ADARB1: variants seen among roughly 807,000 people sequenced by gnomAD.
ADARB1 encodes adenosine deaminase RNA specific B1.
Under a neutral mutation model 52.4 loss-of-function variants are expected in ADARB1, and 10 were observed. That is an observed-to-expected ratio of 0.19 (90% CI 0.12 to 0.32). The LOEUF (loss-of-function observed/expected upper bound fraction) is 0.32. Ranked by LOEUF, ADARB1 falls within the 10% of genes least tolerant of loss-of-function variation. The pLI is 1.00. For synonymous variants in ADARB1, 349 were observed against 371.1 expected (o/e 0.94, Z 0.68); for missense variants, 643 against 922.3 (o/e 0.70, Z 3.92).
chr21:45,182,900 C>A, intron 6 of ADARB1, 147 bp downstream of exon 6: 1 of 755,142 alleles, frequency 1.3e-6, no homozygotes, highest in Non-Finnish European at 2.0e-6. Flanking sequence ...AGGCTGCATC[C>A]CATTCTTCCA....
At chr21:45,192,433 C>G (rs1328328940) in intron 8 of ADARB1, among the ~76,000 whole-genome samples, 1 of 152,192 alleles carries the variant, frequency 6.6e-6, no homozygotes, top group East Asian at 1.9e-4. Context: ...GCCCCTGAAT[C>G]TGAGCCTGTC....
intron 1 of ADARB1, among the ~76,000 whole-genome samples, chr21:45,075,053 G>T (rs2085862972): frequency 6.6e-6 from 1 of 151,320 alleles, no homozygotes; most frequent in African/African-American, 2.4e-5. Flanking sequence ...TCCCGAGGGC[G>T]CCGAGTCCGC....
chr21:45,180,453 C>T lies in ADARB1; in HGVS notation c.1078+9C>T. Reference sequence around the variant, plus strand: ...AGTCGTCATGACAACAGGTAACCATCTTGGTGTTGTATGTAACCCTGCCTG... The same window carrying T: ...AGTCGTCATGACAACAGGTAACCATTTTGGTGTTGTATGTAACCCTGCCTG... On this transcript the variant is annotated intron_variant, in intron 5 of 10. Coordinates refer to ENST00000348831, the MANE Select transcript of ADARB1 (RefSeq NM_001112.4). The T allele has an allele frequency of 6.2e-7, 1 of 1,604,942 alleles. No homozygotes were observed. Among genetic ancestry groups the T allele is most frequent in the Non-Finnish European group, 8.5e-7 (1 of 1,172,290 alleles).
At chr21:45,078,781 T>C (rs1483860272) in intron 1 of ADARB1, among the ~76,000 whole-genome samples, 1 of 152,180 alleles carries the variant, frequency 6.6e-6, no homozygotes, top group Non-Finnish European at 1.5e-5. Flanking sequence ...AATGACATGA[T>C]CTGATTTATC....
At chr21:45,197,673 G>A (rs190783384) in intron 8 of ADARB1, among the ~76,000 whole-genome samples, 3 of 152,242 alleles carry the variant, frequency 2.0e-5, no homozygotes, top group Admixed American at 6.5e-5. Flanking sequence ...AATCCACGCA[G>A]CCATCAACCG....
intron 2 of ADARB1, among the ~76,000 whole-genome samples, chr21:45,164,946 G>A (rs1247509652): frequency 1.3e-5 from 2 of 152,122 alleles, no homozygotes; most frequent in Non-Finnish European, 2.9e-5. Flanking sequence ...TGGCTGCAGC[G>A]AGGTGACAGG....
intron 1 of ADARB1, among the ~76,000 whole-genome samples, chr21:45,113,455 A>ATG (rs1214823689): frequency 1.7e-4 from 26 of 148,754 alleles, no homozygotes; most frequent in East Asian, 3.9e-4. Context: ...ATATATATAT[A>ATG]TGTGTGTGTG....
At chr21:45,199,063 C>A (rs1041433310) in intron 8 of ADARB1, among the ~76,000 whole-genome samples, 1 of 152,170 alleles carries the variant, frequency 6.6e-6, no homozygotes, top group Non-Finnish European at 1.5e-5. Context: ...ACCCATGGGG[C>A]AGCACTGGTG....
chr21:45,109,644 C>T (rs1349322868), intron 1 of ADARB1, among the ~76,000 whole-genome samples: 2 of 152,164 alleles, frequency 1.3e-5, no homozygotes, highest in Non-Finnish European at 2.9e-5. Flanking sequence ...ATGTAGAAGG[C>T]CCTCAAATAC....
chr21:45,103,774 G>C (rs890122903), intron 1 of ADARB1, among the ~76,000 whole-genome samples: 1 of 152,056 alleles, frequency 6.6e-6, no homozygotes, highest in East Asian at 1.9e-4. Context: ...TGTCACATCT[G>C]CTCAATTTTT....
intron 1 of ADARB1, among the ~76,000 whole-genome samples, chr21:45,105,665 G>T (rs974391156): frequency 1.3e-5 from 2 of 152,246 alleles, no homozygotes; most frequent in Non-Finnish European, 2.9e-5. Context: ...TTGCTTTTAT[G>T]TTCTTTACTA....
intron 1 of ADARB1, among the ~76,000 whole-genome samples, chr21:45,079,610 C>T (rs1568988434): frequency 6.6e-6 from 1 of 152,176 alleles, no homozygotes; most frequent in Non-Finnish European, 1.5e-5. Flanking sequence ...AGCAAGCAGT[C>T]TAATCTCTGT....
chr21:45,160,549 A>G (rs758925998), intron 2 of ADARB1, among the ~76,000 whole-genome samples: 4 of 152,210 alleles, frequency 2.6e-5, no homozygotes, highest in African/African-American at 9.6e-5. Flanking sequence ...CCAGTTGCTT[A>G]CTTCTGTTTA....
chr21:45,207,623 C>T (rs1460815049), intron 9 of ADARB1, among the ~76,000 whole-genome samples: 1 of 152,220 alleles, frequency 6.6e-6, no homozygotes, highest in Admixed American at 6.5e-5. Context: ...TGACAAGTGA[C>T]CTGGACAGAG....
At chr21:45,203,847 A>T (rs1222701850) in intron 8 of ADARB1, among the ~76,000 whole-genome samples, 1 of 152,206 alleles carries the variant, frequency 6.6e-6, no homozygotes, top group Non-Finnish European at 1.5e-5. Flanking sequence ...CAAGACCCCC[A>T]GTAGACTCCT....
intron 8 of ADARB1, among the ~76,000 whole-genome samples, chr21:45,185,753 A>G (rs898979318): frequency 4.0e-5 from 6 of 151,534 alleles, no homozygotes; most frequent in African/African-American, 9.7e-5. Context: ...GTTTATTTGG[A>G]AAAAAAAAGT....
chr21:45,125,698 AT>A (rs1383639119), intron 1 of ADARB1, among the ~76,000 whole-genome samples: 14 of 152,216 alleles, frequency 9.2e-5, no homozygotes, highest in Non-Finnish European at 1.8e-4. Flanking sequence ...AGGCTGGTTA[AT>A]TTGGGCTTTT....
chr21:45,183,358 T>G lies in ADARB1; in HGVS notation c.1248-4T>G. ...TGTTACTTTTGCAACTTTTTTCCTT[T>G]CAGTAACAAAGATGATCAAAAAAGA... On this transcript the variant is annotated splice_region_variant and splice_polypyrimidine_tract_variant and intron_variant, in intron 6 of 10. Transcript: ENST00000348831. 7 of 1,592,962 alleles carry G rather than the reference T, an allele frequency of 4.4e-6. No homozygotes were observed. The highest frequency in any genetic ancestry group is 5.1e-6 in the Non-Finnish European group (6 of 1,173,924).
At chr21:45,087,807 G>T (rs1183338004) in intron 1 of ADARB1, among the ~76,000 whole-genome samples, 4 of 152,224 alleles carry the variant, frequency 2.6e-5, no homozygotes, top group Non-Finnish European at 5.9e-5. Context: ...ACAGCAAAGG[G>T]GGTGGAAAGG....
Sources: allele counts gnomAD v4.1 joint callset (sites outside exome capture counted in the v4.1 genomes callset), GRCh38; gene constraint gnomAD v4.1.1; transcripts MANE v1.5; gene names NCBI Gene and HGNC (gene_info 2026-07-23, HGNC 2026-07-21).